The following ZNF625 variants were observed in gnomAD, a reference collection of about 807,000 sequenced individuals.
ZNF625 encodes zinc finger protein 625.
A neutral mutation model predicts 11.1 loss-of-function variants in ZNF625; 8 were observed. The observed-to-expected ratio is 0.72, with a 90% CI of 0.42 to 1.30. The LOEUF (loss-of-function observed/expected upper bound fraction) is 1.30, where lower values mean the gene tolerates loss of function less well. ZNF625 is among the 50% of genes most tolerant of loss of function. The pLI is 0.01. For missense variants in ZNF625, 349 were observed against 447.6 expected, an observed-to-expected ratio of 0.78 and a Z score of 1.99; for synonymous variants, 145 against 153.4, an observed-to-expected ratio of 0.95 and a Z score of 0.41.
chr19:12,147,123 C>T (rs754429728), intron 3 of ZNF625, among the ~76,000 whole-genome samples: 15 of 151,992 alleles, frequency 9.9e-5, no homozygotes, highest in East Asian at 5.8e-4. Context: ...CCCGCCATCA[C>T]GCCCGGCTAA....
chr19:12,156,466 G>A (rs1977028691), intron 1 of ZNF625, 90 bp downstream of exon 1: 1 of 1,142,654 alleles, frequency 8.8e-7, no homozygotes, highest in East Asian at 3.1e-5. Context: ...CGAAGTCGCT[G>A]CAGGAAGGCC....
intron 1 of ZNF625, among the ~76,000 whole-genome samples, chr19:12,156,015 C>T (rs1036304343): frequency 1.3e-5 from 2 of 151,988 alleles, no homozygotes; most frequent in Admixed American, 6.6e-5. Flanking sequence ...ACGCCCGGCT[C>T]ATTTTTTAAA....
rs1021671211 is a variant in ZNF625, at chr19:12,145,370, T to G, written c.1046A>C (p.His349Pro). ...TTTTTCTCCAGTGTGAGTCCTTTCA[T>G]GGATTTTAACGCTCGAGGCACATCC... ...AFGCASSVKI[H>P]ERTHTGEKPC... Residue 349 changes from histidine to proline, a missense_variant, in exon 4 of 4, where the codon CAT becomes CCT. His to Pro is a moderately conservative substitution (Grantham distance 77, BLOSUM62 -2). Coordinates refer to ENST00000439556, the MANE Select transcript of ZNF625 (RefSeq NM_145233.4). 6.2e-7 allele frequency: 1 copy of G among 1,614,088 alleles called. No homozygotes were observed. Among genetic ancestry groups the G allele is most frequent in the Non-Finnish European group, 8.5e-7 (1 of 1,180,042 alleles).
rs1264893704 is a variant in ZNF625 at position 12,156,560 on chromosome 19, TC to T, written c.-3del. ...CCCCCGGCCCCGCACACTCACCATT[TC>T]CCGGCTTCCAGGTGTCCTGGCCTCC... On this transcript the variant is annotated 5_prime_UTR_variant, in exon 1 of 4. Coordinates refer to ENST00000439556, the MANE Select transcript of ZNF625 (RefSeq NM_145233.4). 2 of 1,418,346 alleles carry T rather than the reference TC, an allele frequency of 1.4e-6. No homozygotes were observed. Among genetic ancestry groups the T allele is most frequent in the South Asian group, 1.6e-5 (1 of 60,664 alleles). 87.9% of individuals were successfully genotyped at this position (1,418,346 alleles called of 1,614,324 possible). A position where few individuals can be genotyped will look rare whatever the true frequency, so the allele number is the denominator to read the frequency against.
chr19:12,147,512 T>A, intron 2 of ZNF625, 57 bp from the exon 3 acceptor site: 1 of 1,506,566 alleles, frequency 6.6e-7, no homozygotes, highest in Non-Finnish European at 8.9e-7. Context: ...AAAAAAGTAC[T>A]AGATTCTAAG....
Position 12,156,563 on chromosome 19 carries a change from C to T in ZNF625, c.-5G>A. On this transcript the variant is annotated 5_prime_UTR_variant, in exon 1 of 4. Transcript: ENST00000439556. ...CCGGCCCCGCACACTCACCATTTCC[C>T]GGCTTCCAGGTGTCCTGGCCTCCTC... 1 of 1,419,636 alleles carries T rather than the reference C, an allele frequency of 7.0e-7. No individual in the cohort carries two copies. Among genetic ancestry groups the T allele is most frequent in the Non-Finnish European group, 9.2e-7 (1 of 1,085,238 alleles). The allele number at this position is 1,419,636 out of a possible 1,614,324, so 87.9% of individuals were successfully genotyped here.
intron 1 of ZNF625, 37 bp downstream of exon 1, chr19:12,156,519 C>A: frequency 1.4e-6 from 2 of 1,420,774 alleles, no homozygotes. Context: ...CTCCCGGCCC[C>A]TCCCCCGTCT....
chr19:12,146,836 G>A (rs960722263), intron 3 of ZNF625, among the ~76,000 whole-genome samples: 4 of 152,198 alleles, frequency 2.6e-5, no homozygotes, highest in African/African-American at 4.8e-5. Context: ...GAGTGTAATG[G>A]TGCTATCATG....
intron 1 of ZNF625, among the ~76,000 whole-genome samples, chr19:12,153,985 T>C (rs930880839): frequency 9.9e-5 from 15 of 151,546 alleles, no homozygotes; most frequent in African/African-American, 3.6e-4. Context: ...TTTTTTGTAT[T>C]TTTAGTAGAG....
intron 1 of ZNF625, among the ~76,000 whole-genome samples, chr19:12,149,608 T>A (rs1346928276): frequency 6.6e-6 from 1 of 151,738 alleles, no homozygotes; most frequent in African/African-American, 2.4e-5. Flanking sequence ...TTATTAAAAT[T>A]AATAAAATAC....
chr19:12,146,468 C>A (rs556303098), intron 3 of ZNF625, among the ~76,000 whole-genome samples: 2 of 152,172 alleles, frequency 1.3e-5, no homozygotes, highest in Non-Finnish European at 2.9e-5. Flanking sequence ...GGGTCTCACT[C>A]TGTCATCCAG....
At chr19:12,149,195 G>A (rs1233741018) in intron 1 of ZNF625, among the ~76,000 whole-genome samples, 1 of 146,432 alleles carries the variant, frequency 6.8e-6, no homozygotes, top group Non-Finnish European at 1.5e-5. Flanking sequence ...TGAGGCAGGA[G>A]AATCACTTGA....
Position 12,146,970 on chromosome 19 carries a change from A to ATTTTTTT in ZNF625, c.191+418_191+424dup, listed in dbSNP as rs934558893. 1.1e-4 allele frequency among the ~76,000 whole-genome samples: 15 copies of ATTTTTTT among 130,856 alleles called. 1 individual carries two copies. The East Asian group carries it at 2.6e-3, about 22-fold the overall frequency. The allele number at this position is 130,856 out of a possible 152,430, so 85.8% of individuals were successfully genotyped here. A position where few individuals can be genotyped will look rare whatever the true frequency, so the allele number is the denominator to read the frequency against. On this transcript the variant is annotated intron_variant, in intron 3 of 3. Coordinates refer to ENST00000439556, the MANE Select transcript of ZNF625 (RefSeq NM_145233.4). The stretch of plus-strand genomic sequence containing the variant: ...CACACTTAAATATATGTTTTTAGAG[A>ATTTTTTT]TTTTTTTTTTTTTTGAGACGGAGTC...
chr19:12,146,258 C>T (rs747037020), intron 3 of ZNF625, 34 bp from the exon 4 acceptor site: 8 of 1,564,712 alleles, frequency 5.1e-6, no homozygotes, highest in Non-Finnish European at 7.0e-6. Flanking sequence ...ATAATGGGTT[C>T]CTTTATCACT....
chr19:12,147,281 G>C (rs1213319897), intron 3 of ZNF625, 114 bp downstream of exon 3: 2 of 1,020,472 alleles, frequency 2.0e-6, no homozygotes, highest in Non-Finnish European at 2.8e-6. Flanking sequence ...AGAAAATTTT[G>C]TAAGAATAAA....
At chr19:12,150,040 G>A (rs945429415) in intron 1 of ZNF625, among the ~76,000 whole-genome samples, 43 of 152,184 alleles carry the variant, frequency 2.8e-4, no homozygotes, top group African/African-American at 9.4e-4. Context: ...CGCCCGGCCC[G>A]ACCTAAGTAT....
intron 1 of ZNF625, among the ~76,000 whole-genome samples, chr19:12,151,297 A>G (rs892880875): frequency 4.0e-5 from 6 of 148,948 alleles, no homozygotes; most frequent in Non-Finnish European, 8.9e-5. Context: ...CTGCAGACTC[A>G]ACCTCTGGGG....
At position 12,156,691 on chromosome 19, in the gene ZNF625, C is replaced by G; in HGVS notation, c.-133G>C. On this transcript the variant is annotated 5_prime_UTR_variant, in exon 1 of 4. Transcript: ENST00000439556. ...TCTCGGGGCCGGAAAACCGAGATCC[C>G]GACCTCCCTTTGGTGCAAGACGCCT... is the stretch of plus-strand genomic sequence containing the variant. 2.3e-6 allele frequency: 2 copies of G among 881,134 alleles called. No individual in the cohort carries two copies. The highest frequency in any genetic ancestry group is 1.5e-6 in the Non-Finnish European group (1 of 664,184). The allele number at this position is 881,134 out of a possible 1,614,324, so 54.6% of individuals were successfully genotyped here.
At chr19:12,147,616 T>C (rs1002599500) in intron 2 of ZNF625, 60 bp downstream of exon 2, 2 of 1,610,996 alleles carry the variant, frequency 1.2e-6, no homozygotes, top group African/African-American at 1.3e-5. Context: ...TCAACACTAC[T>C]GACAAGCTAG....
Sources: allele counts gnomAD v4.1 joint callset (sites outside exome capture counted in the v4.1 genomes callset), GRCh38; gene constraint gnomAD v4.1.1; transcripts MANE v1.5; gene names NCBI Gene and HGNC (gene_info 2026-07-23, HGNC 2026-07-21).